The following L3MBTL4 variants were observed in gnomAD, a reference collection of about 807,000 sequenced individuals.
The protein encoded by L3MBTL4 is L3MBTL histone methyl-lysine binding protein 4, also known as lethal(3)malignant brain tumor-like protein 4.
L3MBTL4 carries 70 observed loss-of-function variants against 84.5 expected under a neutral mutation model. That is an observed-to-expected ratio of 0.83 (90% CI 0.68 to 1.01). The LOEUF (loss-of-function observed/expected upper bound fraction) is 1.01, where lower values mean the gene tolerates loss of function less well. Among genes scored for constraint, L3MBTL4 ranks in the 50% least tolerant of loss-of-function variants. L3MBTL4 has a pLI of 0.00. For missense variants in L3MBTL4, 715 were observed against 754.8 expected (o/e 0.95, Z 0.62); for synonymous variants, 274 against 259.8 (o/e 1.05, Z -0.52).
chr18:6,029,894 C>G (rs941737569), intron 16 of L3MBTL4: 12 of 985,238 alleles, frequency 1.2e-5, no homozygotes, highest in Non-Finnish European at 1.4e-5. Context: ...TAGATTCTCA[C>G]AAGCATGAGT....
At chr18:6,280,537 A>T (rs145636012) in intron 4 of L3MBTL4, among the ~76,000 whole-genome samples, 1 of 152,326 alleles carries the variant, frequency 6.6e-6, no homozygotes, top group East Asian at 1.9e-4. Flanking sequence ...CTTCAAGGAA[A>T]CCTAAAGTGA....
At chr18:5,974,627 A>G (rs932013072) in intron 16 of L3MBTL4, among the ~76,000 whole-genome samples, 13 of 152,166 alleles carry the variant, frequency 8.5e-5, no homozygotes. Context: ...CAGACTTGCG[A>G]CACGAGGCAG....
chr18:6,295,105 C>A (rs2050033019), intron 4 of L3MBTL4, among the ~76,000 whole-genome samples: 1 of 151,898 alleles, frequency 6.6e-6, no homozygotes, highest in Admixed American at 6.6e-5. Flanking sequence ...AACCCCATTT[C>A]TACTAAAAAT....
At chr18:6,297,544 A>C in intron 4 of L3MBTL4, among the ~76,000 whole-genome samples, 1 of 152,226 alleles carries the variant, frequency 6.6e-6, no homozygotes, top group East Asian at 1.9e-4. Context: ...TTTTCCAAAA[A>C]TAAAAGTTTA....
chr18:5,991,845 A>T (rs909022721), intron 16 of L3MBTL4, among the ~76,000 whole-genome samples: 2 of 152,102 alleles, frequency 1.3e-5, no homozygotes, highest in African/African-American at 2.4e-5. Flanking sequence ...TGACATGCTG[A>T]GCCCAGCCAA....
intron 16 of L3MBTL4, among the ~76,000 whole-genome samples, chr18:6,043,985 G>T (rs1351814388): frequency 3.9e-5 from 6 of 152,120 alleles, no homozygotes; most frequent in Non-Finnish European, 7.4e-5. Flanking sequence ...ATTCAGTTTT[G>T]CACACAGGGT....
At chr18:6,197,997 C>T (rs192645773) in intron 12 of L3MBTL4, among the ~76,000 whole-genome samples, 6 of 152,190 alleles carry the variant, frequency 3.9e-5, no homozygotes, top group Admixed American at 2.6e-4. Flanking sequence ...ACTTTCAGTG[C>T]GTCTTAATTC....
chr18:6,354,081 A>C (rs1185907205), intron 1 of L3MBTL4, among the ~76,000 whole-genome samples: 4 of 152,210 alleles, frequency 2.6e-5, no homozygotes, highest in Admixed American at 6.5e-5. Flanking sequence ...GCTCTGAAAA[A>C]GACACATAGA....
chr18:6,397,898 C>A (rs1214590031), intron 1 of L3MBTL4: 1 of 151,538 alleles, frequency 6.6e-6, no homozygotes, highest in Non-Finnish European at 1.5e-5. Flanking sequence ...TTTCTTACAT[C>A]TGAGAAGTTC....
At chr18:6,337,676 C>T (rs996254354) in intron 1 of L3MBTL4, among the ~76,000 whole-genome samples, 1 of 152,060 alleles carries the variant, frequency 6.6e-6, no homozygotes, top group Non-Finnish European at 1.5e-5. Context: ...AGTTGCTGGA[C>T]ACATGGATGT....
At chr18:6,113,305 C>T (rs1314479739) in intron 14 of L3MBTL4, among the ~76,000 whole-genome samples, 6 of 151,842 alleles carry the variant, frequency 4.0e-5, no homozygotes, top group Non-Finnish European at 7.4e-5. Context: ...TTCATGGAAA[C>T]GGGAATTGTA....
chr18:6,255,779 CAAAA>C (rs80253863), intron 5 of L3MBTL4, among the ~76,000 whole-genome samples: 5 of 66,160 alleles, frequency 7.6e-5, no homozygotes, highest in Admixed American at 1.6e-4. Context: ...ATATAAAAGG[CAAAA>C]AAAAAAAAAA....
At chr18:6,138,138 A>G in intron 14 of L3MBTL4, 56 bp downstream of exon 14, 1 of 1,196,188 alleles carries the variant, frequency 8.4e-7, no homozygotes, top group Non-Finnish European at 1.2e-6. Flanking sequence ...TGTAGCTGCT[A>G]ATCTGCAGAA....
At chr18:6,063,893 G>C (rs756026268) in intron 16 of L3MBTL4, among the ~76,000 whole-genome samples, 1 of 151,938 alleles carries the variant, frequency 6.6e-6, no homozygotes, top group Non-Finnish European at 1.5e-5. Flanking sequence ...TGTTTTTGCT[G>C]TATTTGCTTC....
intron 15 of L3MBTL4, chr18:6,081,175 C>T (rs1484471696): frequency 9.9e-6 from 4 of 404,026 alleles, no homozygotes; most frequent in Non-Finnish European, 1.8e-5. Context: ...GGCCTTTCCC[C>T]CCTCATTCTA....
intron 16 of L3MBTL4, among the ~76,000 whole-genome samples, chr18:6,049,137 A>T (rs1237533345): frequency 2.0e-5 from 3 of 152,170 alleles, no homozygotes; most frequent in Non-Finnish European, 4.4e-5. Flanking sequence ...AAAGAAAAAA[A>T]AAGGCAAAAT....
At position 6,244,608 on chromosome 18, in the gene L3MBTL4, A is replaced by T; in HGVS notation, c.220-20T>A. The T allele has an allele frequency of 2.7e-6, 4 of 1,491,440 alleles. No individual in the cohort carries two copies. The highest frequency in any genetic ancestry group is 3.7e-6 in the Non-Finnish European group (4 of 1,069,160). The allele number at this position is 1,491,440 out of a possible 1,614,324, so 92.4% of individuals were successfully genotyped here. On this transcript the variant is annotated intron_variant, in intron 5 of 18. Transcript: ENST00000317931. ...CTGATCCTACAAAATTTCACGACATAACATTAGCCACTGAGATTTCATCAC... is the reference window on the plus strand; with the variant it reads ...CTGATCCTACAAAATTTCACGACATTACATTAGCCACTGAGATTTCATCAC...
intron 14 of L3MBTL4, among the ~76,000 whole-genome samples, chr18:6,097,198 T>C (rs1001187612): frequency 3.9e-5 from 6 of 152,142 alleles, no homozygotes; most frequent in African/African-American, 1.4e-4. Flanking sequence ...GGATATACGC[T>C]AAATAAACAA....
chr18:6,130,224 T>C (rs1047071418), intron 14 of L3MBTL4, among the ~76,000 whole-genome samples: 2 of 152,078 alleles, frequency 1.3e-5, no homozygotes, highest in Non-Finnish European at 2.9e-5. Context: ...GTTCCAGGCC[T>C]TAAACCTGAC....
Sources: gnomAD v4.1 joint callset for allele counts (sites outside exome capture counted in the v4.1 genomes callset) on GRCh38, gnomAD v4.1.1 for gene constraint, MANE v1.5 for transcripts, NCBI Gene and HGNC (gene_info 2026-07-23, HGNC 2026-07-21) for gene names.